ZNF226: variants seen among roughly 807,000 people sequenced by gnomAD.
ZNF226 encodes zinc finger protein 226.
In ZNF226, 6 loss-of-function variants were observed where a neutral mutation model predicts 11.4. That is an observed-to-expected ratio of 0.53 (90% CI 0.29 to 1.04). The LOEUF is 1.04. Ranked by LOEUF, ZNF226 falls within the 50% of genes least tolerant of loss-of-function variation. The probability of loss-of-function intolerance (pLI) is 0.08; values close to 1 mark genes in which losing one functional copy is unlikely to be tolerated. For missense variants in ZNF226, 1,058 were observed against 956.5 expected (o/e 1.11, Z -1.40); for synonymous variants, 350 against 322.8 (o/e 1.08, Z -0.90).
Position 44,173,226 on chromosome 19 carries a change from G to A in ZNF226, c.235+274G>A, listed in dbSNP as rs550382607. The A allele has an allele frequency of 1.3e-5, 7 of 523,950 alleles. 1 individual carries two copies. The African/African-American group carries it at 1.3e-4, about 10-fold the overall frequency. The allele number at this position is 523,950 out of a possible 1,614,324, so 32.5% of individuals were successfully genotyped here. A position where few individuals can be genotyped will look rare whatever the true frequency, so the allele number is the denominator to read the frequency against. ...TTACATAGAGTAAAATCCACTTAAT[G>A]TGGCTGACAGAGTCTTACACGGTGT... On this transcript the variant is annotated intron_variant, in intron 5 of 5. Coordinates refer to ENST00000337433, the MANE Select transcript of ZNF226 (RefSeq NM_001032373.2).
At chr19:44,186,870 A>T in the ZNF226 span, among the ~76,000 whole-genome samples, 3 of 84,034 alleles carry the variant, frequency 3.6e-5, no homozygotes, top group Non-Finnish European at 4.2e-5. Context: ...ATTTCTAGTT[A>T]AGTGGTTTTT....
intron 5 of ZNF226, chr19:44,175,239 T>A: frequency 7.1e-7 from 1 of 1,399,232 alleles, no homozygotes; most frequent in East Asian, 2.7e-5. Context: ...GAATAAAAAA[T>A]TTAGATAGTA....
the ZNF226 span, among the ~76,000 whole-genome samples, chr19:44,191,805 T>C: frequency 2.0e-5 from 3 of 151,554 alleles, no homozygotes; most frequent in Admixed American, 6.6e-5. Flanking sequence ...TCCTAAGTAA[T>C]GAAAAACCTA....
At chr19:44,175,055 A>T in intron 5 of ZNF226, 2 of 1,610,604 alleles carry the variant, frequency 1.2e-6, no homozygotes, top group Non-Finnish European at 1.7e-6. Flanking sequence ...AAGTTAGAAG[A>T]AATGTTGGAA....
In ZNF226 at chr19:44,172,819, T is replaced by G. The variant is rs1970257238; in HGVS notation, c.143-41T>G. 7 of 1,517,518 alleles carry G rather than the reference T, an allele frequency of 4.6e-6. No individual in the cohort carries two copies. In the East Asian group the frequency reaches 1.7e-4, roughly 36 times the overall value. 94.0% of individuals were successfully genotyped at this position (1,517,518 alleles called of 1,614,324 possible). A position where few individuals can be genotyped will look rare whatever the true frequency, so the allele number is the denominator to read the frequency against. On this transcript the variant is annotated intron_variant, in intron 4 of 5. Coordinates refer to ENST00000337433, the MANE Select transcript of ZNF226 (RefSeq NM_001032373.2). The stretch of plus-strand genomic sequence containing the variant: ...TCAGATTTCCAGTGTATTTTAACTC[T>G]AATATGTTCATTTTCAACTTGTGAT...
the ZNF226 span, among the ~76,000 whole-genome samples, chr19:44,198,501 A>G: frequency 6.6e-6 from 1 of 152,240 alleles, no homozygotes; most frequent in East Asian, 1.9e-4. Flanking sequence ...ATGATTGTTT[A>G]ATTTTCAACA....
chr19:44,179,801 G>A (rs1368634833), downstream of ZNF226, among the ~76,000 whole-genome samples: 2 of 151,798 alleles, frequency 1.3e-5, no homozygotes, highest in African/African-American at 4.8e-5. Context: ...AATTTACAGA[G>A]GCCAGGTGCG....
At chr19:44,179,367 CAT>C (rs1286816235), downstream of ZNF226, among the ~76,000 whole-genome samples, 4 of 151,938 alleles carry the variant, frequency 2.6e-5, no homozygotes, top group African/African-American at 7.3e-5. Context: ...TTTACAGTAA[CAT>C]AGTAAAAATA....
chr19:44,199,431 C>T, the ZNF226 span, among the ~76,000 whole-genome samples: 928 of 152,302 alleles, frequency 6.1e-3, 7 homozygotes, highest in South Asian at 0.023. Context: ...CATCATGGTG[C>T]AGCTTCTCTC....
the ZNF226 span, among the ~76,000 whole-genome samples, chr19:44,198,481 C>A: frequency 2.6e-5 from 4 of 152,192 alleles, no homozygotes; most frequent in African/African-American, 9.7e-5. Flanking sequence ...ATGTATATGT[C>A]ATATGTGTCA....
chr19:44,184,361 C>G, the ZNF226 span, among the ~76,000 whole-genome samples: 1 of 152,096 alleles, frequency 6.6e-6, no homozygotes, highest in Non-Finnish European at 1.5e-5. Flanking sequence ...GCAGGTGGAT[C>G]ACGAGGTCAG....
chr19:44,183,338 C>T (rs1599744435), downstream of ZNF226, among the ~76,000 whole-genome samples: 1 of 152,236 alleles, frequency 6.6e-6, no homozygotes, highest in East Asian at 1.9e-4. Flanking sequence ...CTGATTATTT[C>T]CCAAGTTTCA....
At position 44,177,259 on chromosome 19, in the gene ZNF226, C is replaced by G. The variant is rs1176430347; in HGVS notation, c.1997C>G (p.Thr666Ser). 2 of 1,614,104 alleles carry G rather than the reference C, an allele frequency of 1.2e-6. No individual in the cohort carries two copies. The highest frequency in any genetic ancestry group is 2.2e-5 in the South Asian group (2 of 91,074). The change falls in exon 6 of 6, where the codon ACT (threonine) becomes AGT (serine). Residue 666 changes from threonine (T) to serine (S), a missense_variant. By Grantham distance (58) the Thr-to-Ser change is moderately conservative (BLOSUM62 1). Transcript: ENST00000337433. ...CTTCAAGCCCATCAAAAAGTCCACA[C>G]TGGAGATAAGCCATACAAATGTGAT... ...AHLQAHQKVHTGDKPYKCDEC... is the reference protein window; with the variant it reads ...AHLQAHQKVHSGDKPYKCDEC...
At chr19:44,167,192 C>T (rs1455143344) in intron 2 of ZNF226, among the ~76,000 whole-genome samples, 1 of 152,004 alleles carries the variant, frequency 6.6e-6, no homozygotes, top group Non-Finnish European at 1.5e-5. Flanking sequence ...TGGAGGCCTT[C>T]TGCCTGAAGT....
At chr19:44,186,244 A>G in the ZNF226 span, among the ~76,000 whole-genome samples, 3 of 152,130 alleles carry the variant, frequency 2.0e-5, no homozygotes, top group East Asian at 3.9e-4. Flanking sequence ...AAAAAAAGTC[A>G]TTGGGATTTT....
At chr19:44,165,901 G>A (rs1305631783) in intron 2 of ZNF226, 94 bp downstream of exon 2, 1 of 152,226 alleles carries the variant, frequency 6.6e-6, no homozygotes, top group African/African-American at 2.4e-5. Flanking sequence ...TTATAATTTA[G>A]CGTTAGTTGC....
In ZNF226 at chr19:44,176,742, C is replaced by G. The variant is rs1363317310; in HGVS notation, c.1480C>G (p.Gln494Glu). ...FTLSSNLQAH[Q>E]RVHTGEKPYK... ...TCTGAGTTCAAATCTTCAAGCCCATCAGAGAGTCCACACTGGAGAGAAGCC... is the reference window on the plus strand; with the variant it reads ...TCTGAGTTCAAATCTTCAAGCCCATGAGAGAGTCCACACTGGAGAGAAGCC... Residue 494 changes from glutamine to glutamate, a missense_variant, in exon 6 of 6, where the codon CAG becomes GAG. Transcript: ENST00000337433. 4 of 1,614,168 alleles carry G rather than the reference C, an allele frequency of 2.5e-6. No individual in the cohort carries two copies. The highest frequency in any genetic ancestry group is 3.4e-6 in the Non-Finnish European group (4 of 1,180,032).
chr19:44,176,407 AGAGACT>A lies in ZNF226; in HGVS notation c.1146_1151del (p.Gln382_Leu384delinsHis). On this transcript the variant is annotated inframe_deletion, in exon 6 of 6. Coordinates refer to ENST00000337433, the MANE Select transcript of ZNF226 (RefSeq NM_001032373.2). ...CAGGCCTCTCATCTTCAGGACCATC[AGAGACT>A]CCACACTGGGGAGAAGCCATTCAAA... 6.2e-7 allele frequency: 1 copy of A among 1,614,136 alleles called. No individual in the cohort carries two copies.
At chr19:44,173,026 T>C (rs1263545196) in intron 5 of ZNF226, 74 bp downstream of exon 5, 2 of 1,402,550 alleles carry the variant, frequency 1.4e-6, no homozygotes, top group South Asian at 1.3e-5. Flanking sequence ...CTTGTTGCCA[T>C]CACCTGGTCC....
Sources: allele counts gnomAD v4.1 joint callset (sites outside exome capture counted in the v4.1 genomes callset), GRCh38; gene constraint gnomAD v4.1.1; transcripts MANE v1.5; gene names NCBI Gene and HGNC (gene_info 2026-07-23, HGNC 2026-07-21).